The following TMEM178B variants were observed in gnomAD, a reference collection of about 807,000 sequenced individuals.
TMEM178B encodes the protein transmembrane protein 178B.
In TMEM178B, 5 loss-of-function variants were observed where a neutral mutation model predicts 31.0. That is an observed-to-expected ratio of 0.16 (90% CI 0.08 to 0.34). The LOEUF (loss-of-function observed/expected upper bound fraction) is 0.34. TMEM178B is among the 10% of genes least tolerant of loss of function. The pLI is 1.00. For missense variants in TMEM178B, 275 were observed against 400.3 expected (o/e 0.69, Z 2.67); for synonymous variants, 164 against 164.0 (o/e 1.00, Z 0.00).
intron 1 of TMEM178B, among the ~76,000 whole-genome samples, chr7:141,094,493 A>G (rs1275257249): frequency 6.6e-6 from 1 of 152,240 alleles, no homozygotes; most frequent in African/African-American, 2.4e-5. Flanking sequence ...CTCTGGTCAG[A>G]GTAGCCTAGC....
chr7:141,111,002 A>G (rs1170710483), intron 1 of TMEM178B, among the ~76,000 whole-genome samples: 1 of 152,240 alleles, frequency 6.6e-6, no homozygotes, highest in East Asian at 1.9e-4. Context: ...TCCAGAAATG[A>G]GAGGAAGTAA....
At chr7:141,127,179 C>CA (rs1389100796) in intron 1 of TMEM178B, among the ~76,000 whole-genome samples, 1 of 152,160 alleles carries the variant, frequency 6.6e-6, no homozygotes, top group Non-Finnish European at 1.5e-5. Context: ...CTTTCTCCTG[C>CA]AAGGGATCGA....
intron 2 of TMEM178B, among the ~76,000 whole-genome samples, chr7:141,220,911 G>A (rs948579056): frequency 1.3e-5 from 2 of 152,164 alleles, no homozygotes; most frequent in African/African-American, 4.8e-5. Flanking sequence ...GATATTAAAA[G>A]GTATTCTGCT....
Position 141,280,606 on chromosome 7 carries a change from C to G in TMEM178B, c.496+67902C>G, listed in dbSNP as rs538166782. ...AAACCCATTTTTCTTTAAAAATTAC[C>G]CAGTCTCAAGTGTGTCTTTATCAGC... On this transcript the variant is annotated intron_variant, in intron 2 of 3. Coordinates refer to ENST00000565468, the MANE Select transcript of TMEM178B (RefSeq NM_001195278.2). Among the ~76,000 whole-genome samples the G allele has an allele frequency of 1.2e-4, 18 of 152,288 alleles. 1 individual carries two copies. The South Asian group carries it at 3.7e-3, about 32-fold the overall frequency.
intron 2 of TMEM178B, among the ~76,000 whole-genome samples, chr7:141,394,119 G>A (rs1563170132): frequency 6.6e-6 from 1 of 151,948 alleles, no homozygotes; most frequent in African/African-American, 2.4e-5. Flanking sequence ...TTTGTGTTGA[G>A]AATGATTCCA....
intron 2 of TMEM178B, among the ~76,000 whole-genome samples, chr7:141,257,683 C>A (rs1797949714): frequency 6.6e-6 from 1 of 152,182 alleles, no homozygotes; most frequent in Non-Finnish European, 1.5e-5. Context: ...AGCGGGGAGG[C>A]AAGGCAGCTA....
At chr7:141,285,162 T>G (rs1198571236) in intron 2 of TMEM178B, among the ~76,000 whole-genome samples, 2 of 139,996 alleles carry the variant, frequency 1.4e-5, no homozygotes, top group African/African-American at 5.3e-5. Flanking sequence ...TTCTTTTTTT[T>G]TTTTTTTTTT....
intron 2 of TMEM178B, among the ~76,000 whole-genome samples, chr7:141,320,942 G>A (rs1389029515): frequency 6.6e-6 from 1 of 152,122 alleles, no homozygotes; most frequent in African/African-American, 2.4e-5. Flanking sequence ...GGCCTTTCAG[G>A]TGGGTGGAAC....
At chr7:141,225,492 A>G (rs1797327556) in intron 2 of TMEM178B, among the ~76,000 whole-genome samples, 1 of 152,158 alleles carries the variant, frequency 6.6e-6, no homozygotes, top group South Asian at 2.1e-4. Context: ...TGAGTTAAAT[A>G]GGCTTTTGTG....
chr7:141,386,575 G>A (rs114418512), intron 2 of TMEM178B, among the ~76,000 whole-genome samples: 6 of 152,138 alleles, frequency 3.9e-5, no homozygotes, highest in African/African-American at 1.4e-4. Flanking sequence ...GATATTTAGT[G>A]TATCCATTAC....
chr7:141,224,515 A>G (rs1036002373), intron 2 of TMEM178B, among the ~76,000 whole-genome samples: 2 of 152,192 alleles, frequency 1.3e-5, no homozygotes, highest in African/African-American at 2.4e-5. Context: ...CTTGCTCACC[A>G]CTCAGCCCTT....
intron 2 of TMEM178B, among the ~76,000 whole-genome samples, chr7:141,432,715 T>A (rs1207486339): frequency 6.6e-6 from 1 of 152,170 alleles, no homozygotes; most frequent in African/African-American, 2.4e-5. Flanking sequence ...ATTTTGAAAA[T>A]TTTTTTCTTC....
At position 141,074,663 on chromosome 7, in the gene TMEM178B, A is replaced by T; in HGVS notation, c.353A>T (p.Asp118Val). 3.3e-6 allele frequency: 5 copies of T among 1,518,390 alleles called. No homozygotes were observed. The highest frequency in any genetic ancestry group is 4.4e-6 in the Non-Finnish European group (5 of 1,134,716). 94.1% of individuals were successfully genotyped at this position (1,518,390 alleles called of 1,614,324 possible). ...AGGAAGTGCCACCGGCAGGGCTTCG[A>T]CCCCGAGATCGCCGCCCTCATTCGG... ...LWRKCHRQGFDPEIAALIRKG... is the reference protein window; with the variant it reads ...LWRKCHRQGFVPEIAALIRKG... The change falls in exon 1 of 4, where the codon GAC becomes GTC. Residue 118 changes from aspartate to valine, a missense_variant. Physicochemically the swap from Asp to Val is radical, Grantham distance 152. Coordinates refer to ENST00000565468, the MANE Select transcript of TMEM178B (RefSeq NM_001195278.2). This position sits in a 1 kb window ranked among gnomAD's most constrained non-coding sequence, Gnocchi z 5.1.
At chr7:141,287,594 T>C (rs1036208523) in intron 2 of TMEM178B, among the ~76,000 whole-genome samples, 21 of 152,346 alleles carry the variant, frequency 1.4e-4, no homozygotes, top group African/African-American at 4.6e-4. Flanking sequence ...TTAATTCCAT[T>C]GTGGGCTTTA....
chr7:141,145,702 A>G (rs550141051), intron 1 of TMEM178B, among the ~76,000 whole-genome samples: 50 of 152,324 alleles, frequency 3.3e-4, no homozygotes, highest in African/African-American at 1.2e-3. Context: ...GATTCCGTAG[A>G]TCTGAAGTAG....
chr7:141,149,139 G>A (rs1795911119), intron 1 of TMEM178B, among the ~76,000 whole-genome samples: 1 of 152,198 alleles, frequency 6.6e-6, no homozygotes, highest in East Asian at 1.9e-4. Flanking sequence ...AGGGAGACTA[G>A]TAAAAGAGAA....
At chr7:141,159,327 T>C (rs1796128528) in intron 1 of TMEM178B, among the ~76,000 whole-genome samples, 2 of 152,164 alleles carry the variant, frequency 1.3e-5, no homozygotes, top group South Asian at 4.1e-4. Flanking sequence ...CTCAAAACTG[T>C]CAAATGACCT....
At chr7:141,274,555 C>A (rs1490731357) in intron 2 of TMEM178B, among the ~76,000 whole-genome samples, 1 of 152,190 alleles carries the variant, frequency 6.6e-6, no homozygotes, top group Non-Finnish European at 1.5e-5. Flanking sequence ...CCTTCTTTTT[C>A]TATTCCGGCT....
rs774356466 is a variant in TMEM178B, at chr7:141,074,452, A to C, written c.142A>C (p.Thr48Pro). ...KHRDRCKAFN[T>P]RRVDPGFIYN... The stretch of plus-strand genomic sequence containing the variant: ...CAGGGACAGGTGCAAGGCCTTCAAC[A>C]CCCGCCGGGTCGACCCCGGCTTCAT... Residue 48 changes from threonine (T) to proline (P), a missense_variant, in exon 1 of 4, where the codon ACC (threonine) becomes CCC (proline). Transcript: ENST00000565468. The surrounding 1 kb of genome is among the most constrained non-coding windows in gnomAD (Gnocchi z 5.1). 1 of 1,535,602 alleles carries C rather than the reference A, an allele frequency of 6.5e-7. No individual in the cohort carries two copies. Among genetic ancestry groups the C allele is most frequent in the Admixed American group, 2.0e-5 (1 of 50,972 alleles).
Sources: allele counts gnomAD v4.1 joint callset (sites outside exome capture counted in the v4.1 genomes callset), GRCh38; gene constraint gnomAD v4.1.1; non-coding constraint Gnocchi (gnomAD v3.1); transcripts MANE v1.5; gene names NCBI Gene and HGNC (gene_info 2026-07-23, HGNC 2026-07-21).